The following PRKCE variants were observed in gnomAD, a reference collection of about 807,000 sequenced individuals.
PRKCE encodes the protein protein kinase C epsilon type.
Under a neutral mutation model 85.4 loss-of-function variants are expected in PRKCE, and 16 were observed. The observed-to-expected ratio is 0.19, with a 90% CI of 0.13 to 0.28. The LOEUF (loss-of-function observed/expected upper bound fraction) is 0.28. PRKCE is among the 10% of genes least tolerant of loss of function. The pLI, the probability that PRKCE is intolerant of heterozygous loss-of-function variation, is 1.00. For synonymous variants in PRKCE, 388 were observed against 371.5 expected (o/e 1.04, Z -0.51); for missense variants, 573 against 975.2 (o/e 0.59, Z 5.49).
chr2:45,688,610 C>G (rs915545646), intron 1 of PRKCE, among the ~76,000 whole-genome samples: 1 of 152,158 alleles, frequency 6.6e-6, no homozygotes, highest in Admixed American at 6.5e-5. Context: ...TGGTGAATGC[C>G]TAAACCACCA....
intron 1 of PRKCE, among the ~76,000 whole-genome samples, chr2:45,814,468 C>T (rs564160505): frequency 2.0e-5 from 3 of 152,340 alleles, no homozygotes; most frequent in East Asian, 3.9e-4. Flanking sequence ...TCCCTGGCAA[C>T]ACTGCTGGGG....
chr2:46,000,152 T>C (rs1300633685), intron 6 of PRKCE, among the ~76,000 whole-genome samples: 1 of 150,808 alleles, frequency 6.6e-6, no homozygotes. Context: ...GTTTTTTTGT[T>C]TTTTTTTTTC....
chr2:45,734,757 G>A (rs1261186314), intron 1 of PRKCE, among the ~76,000 whole-genome samples: 16 of 152,094 alleles, frequency 1.1e-4, no homozygotes, highest in Admixed American at 1.0e-3. Flanking sequence ...GGGAGTGTGG[G>A]CTGCTGACAG....
At chr2:46,018,209 G>T (rs182500149) in intron 10 of PRKCE, among the ~76,000 whole-genome samples, 22 of 152,330 alleles carry the variant, frequency 1.4e-4, no homozygotes, top group African/African-American at 4.8e-4. Flanking sequence ...TCCAAAATGG[G>T]CTGGAGTAGG....
chr2:46,074,429 CAAAAAAAA>C (rs11287357), intron 10 of PRKCE, among the ~76,000 whole-genome samples: 62 of 93,866 alleles, frequency 6.6e-4, no homozygotes, highest in East Asian at 2.0e-3. Flanking sequence ...CAACAACAAC[CAAAAAAAA>C]AAAAAAAAAA....
chr2:45,674,850 C>T (rs1451775488), intron 1 of PRKCE: 1 of 152,220 alleles, frequency 6.6e-6, no homozygotes, highest in African/African-American at 2.4e-5. Context: ...TATGAGAATT[C>T]TCGGCCTCAT....
intron 2 of PRKCE, among the ~76,000 whole-genome samples, chr2:45,958,017 G>T (rs2104392124): frequency 6.6e-6 from 1 of 151,200 alleles, no homozygotes; most frequent in Non-Finnish European, 1.5e-5. Flanking sequence ...TGAATGAGCA[G>T]TTCTAGAAGT....
Position 45,879,066 on chromosome 2 carries a change from G to A in PRKCE, c.412+36003G>A, listed in dbSNP as rs527534965. Among the ~76,000 whole-genome samples the A allele has an allele frequency of 7.2e-5, 11 of 152,256 alleles. No individual in the cohort carries two copies. The South Asian group carries it at 1.0e-3, about 14-fold the overall frequency. ...CAAAAAGTGAGAACTTTACATCCTC[G>A]TTTTCCCACTCGAATGTTGCCTTTT... is the stretch of plus-strand genomic sequence containing the variant. On this transcript the variant is annotated intron_variant, in intron 2 of 14. Transcript: ENST00000306156.
chr2:45,949,418 T>TG (rs1700465963), intron 2 of PRKCE, among the ~76,000 whole-genome samples: 2 of 109,896 alleles, frequency 1.8e-5, no homozygotes, highest in Non-Finnish European at 3.9e-5. Context: ...TTTTTTTTTT[T>TG]GATTGTTGTT....
rs560333709 is a variant in PRKCE at position 46,059,734 on chromosome 2, T to G, written c.1438-26474T>G. Among the ~76,000 whole-genome samples, 4 of 152,172 alleles carry G rather than the reference T, an allele frequency of 2.6e-5. No homozygotes were observed. In the East Asian group the frequency reaches 5.8e-4, roughly 22 times the overall value. On this transcript the variant is annotated intron_variant, in intron 10 of 14. Transcript: ENST00000306156. ...AGGGGGATCACCTGAGCCCAGGAGCTCAAGGCTGTAATGAGCTATGAGTGA... is the reference window on the plus strand; with the variant it reads ...AGGGGGATCACCTGAGCCCAGGAGCGCAAGGCTGTAATGAGCTATGAGTGA...
intron 1 of PRKCE, 64 bp from the exon 2 acceptor site, chr2:45,842,936 T>A (rs1394203326): frequency 1.4e-6 from 2 of 1,456,932 alleles, no homozygotes; most frequent in Non-Finnish European, 1.9e-6. Flanking sequence ...GTAGAAATGT[T>A]GTGGAACTCT....
chr2:45,992,621 C>A (rs927226541), intron 6 of PRKCE, among the ~76,000 whole-genome samples: 2 of 152,208 alleles, frequency 1.3e-5, no homozygotes, highest in Admixed American at 6.5e-5. Flanking sequence ...CCCTCAAGGG[C>A]CAAATTACCC....
chr2:45,701,491 G>A (rs563601), intron 1 of PRKCE: 45,134 of 152,028 alleles, frequency 0.3, 6,883 homozygotes, highest in Middle Eastern at 0.36. Flanking sequence ...TTAAAATGCA[G>A]GTGGGTAACA....
chr2:45,787,322 A>C (rs113244630), intron 1 of PRKCE, among the ~76,000 whole-genome samples: 2 of 152,128 alleles, frequency 1.3e-5, no homozygotes, highest in African/African-American at 4.8e-5. Flanking sequence ...CTAGTAGGAT[A>C]AAATGTGATG....
At chr2:45,970,156 A>T (rs183317091) in intron 2 of PRKCE, among the ~76,000 whole-genome samples, 4 of 152,160 alleles carry the variant, frequency 2.6e-5, no homozygotes, top group South Asian at 2.1e-4. Flanking sequence ...AAACATGTCA[A>T]CTGGCATTGC....
chr2:45,869,475 C>T (rs913778935), intron 2 of PRKCE, among the ~76,000 whole-genome samples: 2 of 152,124 alleles, frequency 1.3e-5, no homozygotes, highest in African/African-American at 2.4e-5. Flanking sequence ...TATTTAGCAC[C>T]TATTACACGC....
intron 1 of PRKCE, among the ~76,000 whole-genome samples, chr2:45,784,561 C>T (rs1195611331): frequency 6.6e-6 from 1 of 152,140 alleles, no homozygotes; most frequent in Admixed American, 6.5e-5. Context: ...TTGTAGATCT[C>T]ATCCCATTAG....
chr2:45,900,460 G>A (rs367691168), intron 2 of PRKCE, among the ~76,000 whole-genome samples: 10 of 152,354 alleles, frequency 6.6e-5, no homozygotes, highest in African/African-American at 2.4e-4. Context: ...TCTGATACAT[G>A]CTACGCCATG....
intron 11 of PRKCE, among the ~76,000 whole-genome samples, chr2:46,119,616 A>G (rs1468430682): frequency 6.6e-6 from 1 of 152,214 alleles, no homozygotes; most frequent in Non-Finnish European, 1.5e-5. Context: ...CATTAGTGCT[A>G]GGAGAGGAAC....
Sources: allele counts gnomAD v4.1 joint callset (sites outside exome capture counted in the v4.1 genomes callset), GRCh38; gene constraint gnomAD v4.1.1; transcripts MANE v1.5; gene names NCBI Gene and HGNC (gene_info 2026-07-23, HGNC 2026-07-21).